The following HOOK2 variants were observed in gnomAD, a reference collection of about 807,000 sequenced individuals.
The protein encoded by HOOK2 is protein Hook homolog 2.
Under a neutral mutation model 111.9 loss-of-function variants are expected in HOOK2, and 108 were observed. The observed-to-expected ratio is 0.96, with a 90% confidence interval of 0.83 to 1.13. The LOEUF is 1.13. Ranked by LOEUF, HOOK2 falls within the 50% of genes most tolerant of loss-of-function variation. The pLI is 0.00. For missense variants in HOOK2, 978 were observed against 951.3 expected, an observed-to-expected ratio of 1.03 and a Z score of -0.37; for synonymous variants, 405 against 394.3, an observed-to-expected ratio of 1.03 and a Z score of -0.32.
chr19:12,779,026 C>T (rs1304639696), upstream of HOOK2, among the ~76,000 whole-genome samples: 1 of 152,204 alleles, frequency 6.6e-6, no homozygotes, highest in African/African-American at 2.4e-5. Flanking sequence ...GAAGAAGGAT[C>T]CAAACCCCTG....
chr19:12,768,866 T>C (rs1469583662), intron 11 of HOOK2, among the ~76,000 whole-genome samples: 1 of 152,002 alleles, frequency 6.6e-6, no homozygotes, highest in Non-Finnish European at 1.5e-5. Context: ...GATGCGATCT[T>C]GGCTTACTGC....
upstream of HOOK2, among the ~76,000 whole-genome samples, chr19:12,782,480 G>A (rs1047500741): frequency 1.9e-4 from 29 of 152,238 alleles, no homozygotes; most frequent in African/African-American, 6.5e-4. Context: ...TGTGCGCAGA[G>A]GGCCTCCCGC....
Position 12,775,478 on chromosome 19 carries a change from C to T in HOOK2, c.-29G>A, listed in dbSNP as rs1483205379. Reference sequence around the variant, plus strand: ...TCCCGATCGGATTCAATCCAGGCCACGGAGCCCCGGCGCCGCAGCAGCCTC... The same window carrying T: ...TCCCGATCGGATTCAATCCAGGCCATGGAGCCCCGGCGCCGCAGCAGCCTC... On this transcript the variant is annotated 5_prime_UTR_variant, in exon 1 of 23. In the 5' UTR this introduces an upstream ATG that the reference lacks. Coordinates refer to ENST00000397668, the MANE Select transcript of HOOK2 (RefSeq NM_013312.3). 3.8e-6 allele frequency: 6 copies of T among 1,599,180 alleles called. No individual in the cohort carries two copies. The Admixed American group carries it at 6.8e-5, about 18-fold the overall frequency.
chr19:12,783,423 C>T (rs1476821771), upstream of HOOK2, among the ~76,000 whole-genome samples: 1 of 150,384 alleles, frequency 6.6e-6, no homozygotes, highest in Non-Finnish European at 1.5e-5. Flanking sequence ...CAGAGCCCGT[C>T]GCGGCGATGA....
At chr19:12,780,289 G>A (rs898805556), upstream of HOOK2, among the ~76,000 whole-genome samples, 2 of 152,150 alleles carry the variant, frequency 1.3e-5, no homozygotes, top group Non-Finnish European at 2.9e-5. Flanking sequence ...TTCATGTGTT[G>A]TGTGTCTGTG....
chr19:12,767,302 G>C lies in HOOK2; in HGVS notation c.1373+93C>G. 3.7e-6 allele frequency: 4 copies of C among 1,086,388 alleles called. No individual in the cohort carries two copies. The South Asian group carries it at 3.9e-5, about 11-fold the overall frequency. 67.3% of individuals were successfully genotyped at this position (1,086,388 alleles called of 1,614,324 possible). On this transcript the variant is annotated intron_variant, in intron 14 of 22. Coordinates refer to ENST00000397668, the MANE Select transcript of HOOK2 (RefSeq NM_013312.3). ...CACCTGGAGCTGAGACCAAGCAACC[G>C]GGGCTAGCAGAAGATGGGAGGGCGG... is the stretch of plus-strand genomic sequence containing the variant.
Position 12,791,320 on chromosome 19 carries a change from T to G in HOOK2, n.42-17095A>C, listed in dbSNP as rs1301162006. Among the ~76,000 whole-genome samples, 1 of 152,156 alleles carries G rather than the reference T, an allele frequency of 6.6e-6. No homozygotes were observed. Among genetic ancestry groups the G allele is most frequent in the Non-Finnish European group, 1.5e-5 (1 of 68,018 alleles). ...GCCGAGCCACCCGGCCCGTGGCCGC[T>G]GTTTACAAGGACACGCGCTTCCTGA... On this transcript the variant is annotated intron_variant and non_coding_transcript_variant, in intron 3 of 3. Coordinates refer to the HOOK2 transcript ENST00000589765. The surrounding 1 kb of genome is among the most constrained non-coding windows in gnomAD (Gnocchi z 7.0).
At chr19:12,792,232 C>T (rs779715555) in intron 3 of HOOK2, 1 of 1,526,532 alleles carries the variant, frequency 6.6e-7, no homozygotes. Context: ...CACGTGACAC[C>T]CCCCAACGTG....
At chr19:12,775,351 C>G in intron 1 of HOOK2, 54 bp downstream of exon 1, 1 of 1,592,332 alleles carries the variant, frequency 6.3e-7, no homozygotes, top group Non-Finnish European at 8.5e-7. Flanking sequence ...GGCCAGGGAT[C>G]CCGGGCAAGA....
upstream of HOOK2, among the ~76,000 whole-genome samples, chr19:12,783,386 C>T (rs1968626905): frequency 6.6e-6 from 1 of 151,252 alleles, no homozygotes; most frequent in African/African-American, 2.4e-5. Context: ...CCCCCAACCC[C>T]TCCTCCCAGC....
chr19:12,774,678 C>A lies in HOOK2; in HGVS notation c.195G>T (p.Trp65Cys). 2 of 1,614,162 alleles carry A rather than the reference C, an allele frequency of 1.2e-6. No homozygotes were observed. Among genetic ancestry groups the A allele is most frequent in the Non-Finnish European group, 1.7e-6 (2 of 1,180,018 alleles). The change falls in exon 3 of 23, where the codon TGG becomes TGT. Residue 65 changes from tryptophan (W) to cysteine (C), a missense_variant. Transcript: ENST00000397668. ...QGISEDPGPN[W>C]KLKVSNLKMV... ...GGAGTCCACTTGTCACCTTCAGCTT[C>A]CAGTTGGGACCTGGATCTTCCGAGA...
chr19:12,784,964 C>T (rs1968642313), intron 3 of HOOK2: 1 of 152,392 alleles, frequency 6.6e-6, no homozygotes, highest in African/African-American at 2.4e-5. Flanking sequence ...GAGGTACACA[C>T]CATCTCACCA....
At chr19:12,771,737 C>T in intron 7 of HOOK2, 1 of 488,622 alleles carries the variant, frequency 2.0e-6, no homozygotes, top group Non-Finnish European at 3.7e-6. Context: ...CAAAAATTAG[C>T]CGGGTGTGGT....
intron 16 of HOOK2, 30 bp from the exon 17 acceptor site, chr19:12,765,864 G>A: frequency 6.2e-7 from 1 of 1,610,800 alleles, no homozygotes; most frequent in Non-Finnish European, 8.5e-7. Flanking sequence ...GCATGGGAGA[G>A]AGAGGAGGGT....
At chr19:12,764,324 T>A (rs1490350105) in intron 20 of HOOK2, 1 of 132,546 alleles carries the variant, frequency 7.5e-6, no homozygotes, top group Non-Finnish European at 1.6e-5. Context: ...GTGCGTAATT[T>A]TTTTTTTTTT....
At chr19:12,789,829 G>A (rs1419328015) in intron 3 of HOOK2, among the ~76,000 whole-genome samples, 1 of 151,830 alleles carries the variant, frequency 6.6e-6, no homozygotes, top group African/African-American at 2.4e-5. Context: ...GCGGCGGTCG[G>A]GGCTGGTCGG....
At position 12,774,745 on chromosome 19, in the gene HOOK2, G is replaced by A; in HGVS notation, c.132-4C>T. On this transcript the variant is annotated splice_region_variant and splice_polypyrimidine_tract_variant and intron_variant, in intron 2 of 22. Coordinates refer to ENST00000397668, the MANE Select transcript of HOOK2 (RefSeq NM_013312.3). ...CTCGTTGAACCAGGAGGGGTCTCTGGGGGCGAGAAGGTGGGATGAGCAGAC... is the reference window on the plus strand; with the variant it reads ...CTCGTTGAACCAGGAGGGGTCTCTGAGGGCGAGAAGGTGGGATGAGCAGAC... 1 of 1,614,008 alleles carries A rather than the reference G, an allele frequency of 6.2e-7. No homozygotes were observed. The highest frequency in any genetic ancestry group is 8.5e-7 in the Non-Finnish European group (1 of 1,179,874).
rs1281848758 is a variant in HOOK2 at position 12,766,172 on chromosome 19, C to A, written c.1442G>T (p.Arg481Leu). The A allele has an allele frequency of 6.3e-7, 1 of 1,597,976 alleles. No individual in the cohort carries two copies. The highest frequency in any genetic ancestry group is 2.2e-5 in the East Asian group (1 of 44,638). ...CAGGTGGCGCTGCAGCTCCTCCTGC[C>A]GCTCCCGGTCGGCCGCCTCCTGCCT... is the stretch of plus-strand genomic sequence containing the variant. ...LCRQEAADRERQEELQRHLED... is the reference protein window; with the variant it reads ...LCRQEAADRELQEELQRHLED... Residue 481 changes from arginine to leucine, a missense_variant, in exon 15 of 23, where the codon CGG becomes CTG. Transcript: ENST00000397668.
At chr19:12,780,071 A>C (rs143164981), upstream of HOOK2, among the ~76,000 whole-genome samples, 2,517 of 152,114 alleles carry the variant, frequency 0.017, 31 homozygotes, top group Non-Finnish European at 0.023. Flanking sequence ...AATTGCTTGA[A>C]CCTGGGAGGC....
Sources: gnomAD v4.1 joint callset for allele counts (sites outside exome capture counted in the v4.1 genomes callset) on GRCh38, gnomAD v4.1.1 for gene constraint, Gnocchi (gnomAD v3.1) non-coding constraint, MANE v1.5 for transcripts, NCBI Gene and HGNC (gene_info 2026-07-23, HGNC 2026-07-21) for gene names.